Variants in PKN2 observed in about 807,000 individuals in gnomAD.
The protein encoded by PKN2 is protein kinase N2, also known as serine/threonine-protein kinase N2.
A neutral mutation model predicts 119.1 loss-of-function variants in PKN2; 38 were observed. The observed-to-expected ratio is 0.32, with a 90% confidence interval of 0.25 to 0.42. The LOEUF (loss-of-function observed/expected upper bound fraction) is 0.42. Ranked by LOEUF, PKN2 falls within the 10% of genes least tolerant of loss-of-function variation. PKN2 has a pLI of 1.00. For missense variants in PKN2, 850 were observed against 1,165.1 expected (o/e 0.73, Z 3.94); for synonymous variants, 390 against 384.9 (o/e 1.01, Z -0.15).
chr1:88,797,467 C>T (rs1483955110), intron 8 of PKN2, among the ~76,000 whole-genome samples: 3 of 151,468 alleles, frequency 2.0e-5, no homozygotes, highest in African/African-American at 7.3e-5. Flanking sequence ...CATGGTGAAA[C>T]CCTGTCTCTA....
intron 1 of PKN2, among the ~76,000 whole-genome samples, chr1:88,729,422 T>A (rs901542633): frequency 1.3e-5 from 2 of 152,208 alleles, no homozygotes; most frequent in African/African-American, 4.8e-5. Flanking sequence ...CTGGGCTCAC[T>A]TATGCAGCTG....
chr1:88,802,028 A>AGGGGC lies in PKN2; in HGVS notation c.1282-2362_1282-2358dup, dbSNP rs557956925. On this transcript the variant is annotated intron_variant, in intron 8 of 21. Coordinates refer to ENST00000370521, the MANE Select transcript of PKN2 (RefSeq NM_006256.4). Reference sequence around the variant, plus strand: ...AAGCAACAACATTTCCAAATAAGGAAGGGGCATAAGCTGTGAGCTAAGACT... The same window carrying AGGGGC: ...AAGCAACAACATTTCCAAATAAGGAAGGGGCGGGGCATAAGCTGTGAGCTAAGACT... 1.1e-4 allele frequency among the ~76,000 whole-genome samples: 16 copies of AGGGGC among 152,328 alleles called. No individual in the cohort carries two copies. In the South Asian group the frequency reaches 2.1e-3, roughly 20 times the overall value.
At position 88,833,099 on chromosome 1, in the gene PKN2, G is replaced by A. The variant is rs1392961527; in HGVS notation, c.2693G>A (p.Arg898Gln). Residue 898 changes from arginine (R) to glutamine (Q), a missense_variant, in exon 21 of 22, where the codon CGG becomes CAG. By Grantham distance (43) the Arg-to-Gln change is conservative (BLOSUM62 1). This residue lies in a region of PKN2 where 95 missense variants were observed against 150.2 expected (regional missense o/e 0.63). Transcript: ENST00000370521. ...MRRLLRRNPE[R>Q]RLGASEKDAE... The stretch of plus-strand genomic sequence containing the variant: ...TAGCTGTTAAGAAGAAATCCTGAAC[G>A]GCGCCTTGGGGCTAGCGAGAAAGAT... 3 of 1,612,368 alleles carry A rather than the reference G, an allele frequency of 1.9e-6. No homozygotes were observed. Among genetic ancestry groups the A allele is most frequent in the Non-Finnish European group, 2.5e-6 (3 of 1,179,104 alleles).
intron 8 of PKN2, among the ~76,000 whole-genome samples, chr1:88,798,481 T>C (rs1323283425): frequency 6.6e-6 from 1 of 152,036 alleles, no homozygotes; most frequent in African/African-American, 2.4e-5. Context: ...ATTGATAAAT[T>C]GTTGGTGCTG....
At chr1:88,782,140 G>A (rs1386530937) in intron 6 of PKN2, among the ~76,000 whole-genome samples, 1 of 152,068 alleles carries the variant, frequency 6.6e-6, no homozygotes, top group Non-Finnish European at 1.5e-5. Flanking sequence ...TATGTTAAGT[G>A]TATGGTCTTG....
intron 2 of PKN2, among the ~76,000 whole-genome samples, chr1:88,743,054 G>C (rs1668638253): frequency 6.6e-6 from 1 of 152,158 alleles, no homozygotes; most frequent in African/African-American, 2.4e-5. Flanking sequence ...AGTCGACGTG[G>C]TGGCGTGTGC....
At chr1:88,735,602 A>ACCCCCCC (rs75497861) in intron 1 of PKN2, among the ~76,000 whole-genome samples, 2 of 51,504 alleles carry the variant, frequency 3.9e-5, no homozygotes, top group African/African-American at 7.1e-5. Flanking sequence ...TTGACAGCCC[A>ACCCCCCC]CCCCCCCCCC....
chr1:88,793,759 C>G (rs1236567397), intron 8 of PKN2, among the ~76,000 whole-genome samples: 1 of 152,024 alleles, frequency 6.6e-6, no homozygotes, highest in East Asian at 1.9e-4. Flanking sequence ...TAAATCATCT[C>G]TACAGTAATT....
intron 1 of PKN2, among the ~76,000 whole-genome samples, chr1:88,707,283 A>G (rs564558314): frequency 2.6e-5 from 4 of 152,232 alleles, no homozygotes; most frequent in African/African-American, 9.6e-5. Context: ...TCCTTGCTGT[A>G]CAGAGGAAAA....
At chr1:88,722,790 A>T (rs1172552232) in intron 1 of PKN2, among the ~76,000 whole-genome samples, 1 of 150,982 alleles carries the variant, frequency 6.6e-6, no homozygotes, top group East Asian at 1.9e-4. Context: ...CTCAAAATAA[A>T]AAAAAAAAAA....
intron 2 of PKN2, among the ~76,000 whole-genome samples, chr1:88,751,226 G>A (rs758669893): frequency 6.6e-6 from 1 of 151,442 alleles, no homozygotes; most frequent in Non-Finnish European, 1.5e-5. Context: ...TAGGTGATGG[G>A]TATATAGGTG....
chr1:88,776,655 G>C (rs951225792), intron 6 of PKN2, among the ~76,000 whole-genome samples: 23 of 151,774 alleles, frequency 1.5e-4, no homozygotes, highest in Non-Finnish European at 2.9e-4. Context: ...CAGGAGAATC[G>C]TTTGAACGCG....
chr1:88,718,837 A>C (rs1445909369), intron 1 of PKN2, among the ~76,000 whole-genome samples: 1 of 152,116 alleles, frequency 6.6e-6, no homozygotes, highest in African/African-American at 2.4e-5. Flanking sequence ...CCTGTTTATT[A>C]TAAGATATTA....
At chr1:88,759,021 C>CT (rs1669333346) in intron 2 of PKN2, among the ~76,000 whole-genome samples, 1 of 152,202 alleles carries the variant, frequency 6.6e-6, no homozygotes, top group Non-Finnish European at 1.5e-5. Flanking sequence ...ATAAGCATTG[C>CT]TTTTTCCCTG....
At chr1:88,815,809 A>G (rs1671964225) in intron 16 of PKN2, among the ~76,000 whole-genome samples, 1 of 152,238 alleles carries the variant, frequency 6.6e-6, no homozygotes, top group African/African-American at 2.4e-5. Flanking sequence ...TGTATTTTAG[A>G]TGGTATACGC....
chr1:88,807,007 C>T (rs11799983), intron 12 of PKN2, among the ~76,000 whole-genome samples: 10,176 of 152,076 alleles, frequency 0.067, 697 homozygotes, highest in African/African-American at 0.18. Flanking sequence ...CATGAGCCAC[C>T]GTGCTCAGCC....
chr1:88,828,463 A>G lies in PKN2; in HGVS notation c.2420-18A>G. ...TTGTTTTCTTTGCTAACAAATGTTT[A>G]CATTTTATCTTTTCCAGGAATGGGA... On this transcript the variant is annotated intron_variant, in intron 18 of 21. Coordinates refer to ENST00000370521, the MANE Select transcript of PKN2 (RefSeq NM_006256.4). The G allele has an allele frequency of 6.4e-7, 1 of 1,568,676 alleles. No individual in the cohort carries two copies. Among genetic ancestry groups the G allele is most frequent in the Non-Finnish European group, 8.7e-7 (1 of 1,149,966 alleles).
chr1:88,814,115 T>C (rs951701758), intron 16 of PKN2, among the ~76,000 whole-genome samples: 1 of 152,116 alleles, frequency 6.6e-6, no homozygotes, highest in African/African-American at 2.4e-5. Flanking sequence ...CTGTATCATA[T>C]ATTTATATAA....
rs375937759 is a variant in PKN2, at chr1:88,786,560, G to A, written c.1281+347G>A. On this transcript the variant is annotated intron_variant, in intron 8 of 21. Coordinates refer to ENST00000370521, the MANE Select transcript of PKN2 (RefSeq NM_006256.4). ...ACCATGTGTAGGTTATCTTACTCGA[G>A]CTATATTTGAAATGAGCTATTAGGC... is the stretch of plus-strand genomic sequence containing the variant. Among the ~76,000 whole-genome samples the A allele has an allele frequency of 1.9e-4, 29 of 152,272 alleles. 1 individual carries two copies. In the East Asian group the frequency reaches 3.1e-3, roughly 16 times the overall value.
Sources: allele counts gnomAD v4.1 joint callset (sites outside exome capture counted in the v4.1 genomes callset), GRCh38; gene constraint gnomAD v4.1.1; regional missense constraint gnomAD v4.1.1; transcripts MANE v1.5; gene names NCBI Gene and HGNC (gene_info 2026-07-23, HGNC 2026-07-21).